The following MCF2L2 variants were observed in gnomAD, a reference collection of about 807,000 sequenced individuals.
MCF2L2 encodes the protein MCF.2 cell line derived transforming sequence-like 2.
A neutral mutation model predicts 150.2 loss-of-function variants in MCF2L2; 102 were observed. The observed-to-expected ratio is 0.68, with a 90% CI of 0.58 to 0.80. The LOEUF (loss-of-function observed/expected upper bound fraction) is 0.80, where lower values mean the gene tolerates loss of function less well. Among genes scored for constraint, MCF2L2 ranks in the 30% least tolerant of loss-of-function variants. The pLI is 0.00. For missense variants in MCF2L2, 1,256 were observed against 1,372.8 expected, an observed-to-expected ratio of 0.91 and a Z score of 1.34; for synonymous variants, 465 against 491.3, an observed-to-expected ratio of 0.95 and a Z score of 0.71.
At chr3:183,347,759 T>G (rs1268193850) in intron 3 of MCF2L2, among the ~76,000 whole-genome samples, 1 of 152,142 alleles carries the variant, frequency 6.6e-6, no homozygotes, top group Non-Finnish European at 1.5e-5. Flanking sequence ...CAGACACTTC[T>G]CAAAAGAAGA....
At chr3:183,326,502 AAAAAAAAAAAAAAAC>A (rs1730038621) in intron 5 of MCF2L2, among the ~76,000 whole-genome samples, 1 of 148,342 alleles carries the variant, frequency 6.7e-6, no homozygotes, top group African/African-American at 2.5e-5. Context: ...CAAAAAAAAA[AAAAAAAAAAAAAAAC>A]AAAAAAAAAC....
At chr3:183,406,448 A>G (rs747828470) in intron 1 of MCF2L2, among the ~76,000 whole-genome samples, 1 of 152,076 alleles carries the variant, frequency 6.6e-6, no homozygotes, top group African/African-American at 2.4e-5. Context: ...AGTTCTTTTT[A>G]TACATTCTGG....
At position 183,282,335 on chromosome 3, in the gene MCF2L2, C is replaced by T. The variant is rs541210230; in HGVS notation, c.1777-5378G>A. Among the ~76,000 whole-genome samples, 754 of 151,820 alleles carry T rather than the reference C, an allele frequency of 5.0e-3. 4 individuals carry two copies. Among genetic ancestry groups the T allele is most frequent in the Non-Finnish European group, 8.4e-3 (570 of 67,894 alleles). ...CTGGGACTACAGGCACCCGCCACCA[C>T]GCCCAGCTAATTTTTTGTATTTTTA... On this transcript the variant is annotated intron_variant, in intron 14 of 29. Transcript: ENST00000328913.
At chr3:183,398,112 G>A (rs1159243354) in intron 1 of MCF2L2, among the ~76,000 whole-genome samples, 1 of 152,134 alleles carries the variant, frequency 6.6e-6, no homozygotes, top group Non-Finnish European at 1.5e-5. Flanking sequence ...CCATCAAAAT[G>A]TCACAGATCC....
Position 183,179,341 on chromosome 3 carries a change from G to A in MCF2L2, c.*39C>T. On this transcript the variant is annotated 3_prime_UTR_variant, in exon 30 of 30. Transcript: ENST00000328913. This position sits in a 1 kb window ranked among gnomAD's most constrained non-coding sequence, Gnocchi z 4.2. ...CACACCGCCTCTCCCGGGAATGCGG[G>A]CGCTCTGGAGCCGAGGAGCGGGGGC... 2.2e-6 allele frequency: 3 copies of A among 1,393,474 alleles called. No individual in the cohort carries two copies. The highest frequency in any genetic ancestry group is 2.9e-5 in the East Asian group (1 of 34,294). The allele number at this position is 1,393,474 out of a possible 1,614,324, so 86.3% of individuals were successfully genotyped here. A position where few individuals can be genotyped will look rare whatever the true frequency, so the allele number is the denominator to read the frequency against.
intron 1 of MCF2L2, among the ~76,000 whole-genome samples, chr3:183,422,716 CAT>C (rs1176566288): frequency 6.6e-6 from 1 of 152,142 alleles, no homozygotes; most frequent in African/African-American, 2.4e-5. Flanking sequence ...GCTCAGGTAC[CAT>C]AGACACTCAC....
At chr3:183,183,110 A>G (rs1463295103) in intron 27 of MCF2L2, among the ~76,000 whole-genome samples, 1 of 152,112 alleles carries the variant, frequency 6.6e-6, no homozygotes, top group Non-Finnish European at 1.5e-5. Context: ...ATCCTCCCAC[A>G]TCAGCCTCCT....
chr3:183,377,208 A>T (rs1374860138), intron 3 of MCF2L2: 1 of 151,946 alleles, frequency 6.6e-6, no homozygotes, highest in Non-Finnish European at 1.5e-5. Flanking sequence ...CGACCCTCCA[A>T]CAAGCCCCGG....
At chr3:183,279,556 A>T (rs931717914) in intron 14 of MCF2L2, among the ~76,000 whole-genome samples, 2 of 152,158 alleles carry the variant, frequency 1.3e-5, no homozygotes, top group African/African-American at 4.8e-5. Flanking sequence ...CCTAGGGTAT[A>T]CCTAGGAGAG....
At chr3:183,353,761 G>A (rs1006193148) in intron 3 of MCF2L2, among the ~76,000 whole-genome samples, 2 of 152,152 alleles carry the variant, frequency 1.3e-5, no homozygotes, top group Non-Finnish European at 2.9e-5. Context: ...GATTCGGGCA[G>A]GGACACAAAT....
At chr3:183,290,231 C>G (rs1228846053) in intron 13 of MCF2L2, among the ~76,000 whole-genome samples, 3 of 152,168 alleles carry the variant, frequency 2.0e-5, no homozygotes, top group African/African-American at 7.2e-5. Flanking sequence ...GATGGCCATG[C>G]CTGCTGCTCT....
chr3:183,396,670 CAT>C (rs1350714752), intron 1 of MCF2L2, among the ~76,000 whole-genome samples: 1 of 152,104 alleles, frequency 6.6e-6, no homozygotes, highest in African/African-American at 2.4e-5. Context: ...TATTAATTCA[CAT>C]ATCACTGGCC....
intron 3 of MCF2L2, among the ~76,000 whole-genome samples, chr3:183,342,473 T>C (rs554240271): frequency 6.6e-6 from 1 of 152,294 alleles, no homozygotes; most frequent in Non-Finnish European, 1.5e-5. Context: ...CTTGACTAGA[T>C]TTGAATTCTG....
chr3:183,335,483 T>C (rs1730439674), intron 5 of MCF2L2, among the ~76,000 whole-genome samples: 1 of 152,174 alleles, frequency 6.6e-6, no homozygotes, highest in Non-Finnish European at 1.5e-5. Context: ...TGAAACCTAG[T>C]CACCAAGGTA....
chr3:183,404,412 C>T (rs745695267), intron 1 of MCF2L2, among the ~76,000 whole-genome samples: 6 of 152,176 alleles, frequency 3.9e-5, no homozygotes, highest in Admixed American at 3.3e-4. Context: ...ATATGTCATA[C>T]AAAATCACAA....
chr3:183,193,057 A>G lies in MCF2L2; in HGVS notation c.2958T>C (p.Asn986=), dbSNP rs1721954255. ...SGAGSGPWIK[N]MERATTSKED... ...CCTTGCTAGTGGTAGCTCTTTCCATATTTTTAATCCATGGTCCGGATCCTG... is the reference window on the plus strand; with the variant it reads ...CCTTGCTAGTGGTAGCTCTTTCCATGTTTTTAATCCATGGTCCGGATCCTG... Residue 986 remains asparagine, a synonymous_variant, in exon 27 of 30, where the codon AAT becomes AAC. Coordinates refer to ENST00000328913, the MANE Select transcript of MCF2L2 (RefSeq NM_015078.4). 8 of 1,613,992 alleles carry G rather than the reference A, an allele frequency of 5.0e-6. No individual in the cohort carries two copies. The East Asian group carries it at 1.8e-4, about 36-fold the overall frequency.
At chr3:183,240,801 C>G (rs1438289341) in intron 15 of MCF2L2, among the ~76,000 whole-genome samples, 1 of 152,256 alleles carries the variant, frequency 6.6e-6, no homozygotes, top group Non-Finnish European at 1.5e-5. Flanking sequence ...TTAGACCCCA[C>G]TTCTGTTAAG....
At chr3:183,413,203 T>G (rs959344137) in intron 1 of MCF2L2, among the ~76,000 whole-genome samples, 4 of 152,176 alleles carry the variant, frequency 2.6e-5, no homozygotes, top group African/African-American at 9.7e-5. Context: ...CCCTCATGGT[T>G]GAAAATACCT....
chr3:183,311,524 T>TA (rs1315001290), intron 8 of MCF2L2, 124 bp downstream of exon 8: 4 of 1,078,338 alleles, frequency 3.7e-6, no homozygotes, highest in Non-Finnish European at 2.7e-6. Context: ...TTGTCTCAAA[T>TA]ATTCTTCTTC....
Sources: gnomAD v4.1 joint callset for allele counts (sites outside exome capture counted in the v4.1 genomes callset) on GRCh38, gnomAD v4.1.1 for gene constraint, Gnocchi (gnomAD v3.1) non-coding constraint, MANE v1.5 for transcripts, NCBI Gene and HGNC (gene_info 2026-07-23, HGNC 2026-07-21) for gene names.